The following CASS4 variants were observed in gnomAD, a reference collection of about 807,000 sequenced individuals.
CASS4 encodes the protein cas scaffolding protein family member 4.
A neutral mutation model predicts 54.2 loss-of-function variants in CASS4; 22 were observed. That is an observed-to-expected ratio of 0.41 (90% CI 0.29 to 0.58). The LOEUF (loss-of-function observed/expected upper bound fraction) is 0.58. Among genes scored for constraint, CASS4 ranks in the 20% least tolerant of loss-of-function variants. CASS4 has a pLI of 0.36. For missense variants in CASS4, 854 were observed against 986.7 expected, an observed-to-expected ratio of 0.87 and a Z score of 1.80; for synonymous variants, 409 against 391.5, an observed-to-expected ratio of 1.04 and a Z score of -0.53.
At chr20:56,453,479 A>G (rs181699365) in intron 5 of CASS4, 14 of 188,558 alleles carry the variant, frequency 7.4e-5, no homozygotes, top group Non-Finnish European at 1.5e-4. Context: ...TGCATTTTTG[A>G]AAGTTATAAA....
At chr20:56,416,210 C>T (rs552118272) in intron 1 of CASS4, among the ~76,000 whole-genome samples, 34 of 152,204 alleles carry the variant, frequency 2.2e-4, no homozygotes, top group Admixed American at 1.8e-3. Context: ...CCACCATGCT[C>T]AGCTAATTTC....
At chr20:56,458,014 C>CAA (rs11355939) in intron 5 of CASS4, among the ~76,000 whole-genome samples, 13 of 76,322 alleles carry the variant, frequency 1.7e-4, no homozygotes, top group East Asian at 3.1e-4. Context: ...AACTCTGTCT[C>CAA]AAAAAAAAAA....
chr20:56,417,853 C>T (rs1433740189), intron 1 of CASS4, among the ~76,000 whole-genome samples: 1 of 152,246 alleles, frequency 6.6e-6, no homozygotes, highest in Non-Finnish European at 1.5e-5. Context: ...AATTGTCCCC[C>T]TCCTTGTCCA....
At chr20:56,427,626 A>C (rs1011889125) in intron 1 of CASS4, among the ~76,000 whole-genome samples, 2 of 152,246 alleles carry the variant, frequency 1.3e-5, no homozygotes, top group African/African-American at 4.8e-5. Context: ...AATGTATAAC[A>C]GAATATGTCA....
chr20:56,435,438 G>A (rs1302100504), intron 1 of CASS4, among the ~76,000 whole-genome samples: 1 of 152,186 alleles, frequency 6.6e-6, no homozygotes, highest in Non-Finnish European at 1.5e-5. Context: ...GGGATTATGG[G>A]TAATTTTCAC....
At chr20:56,420,516 G>A (rs1391064541) in intron 1 of CASS4, among the ~76,000 whole-genome samples, 1 of 151,064 alleles carries the variant, frequency 6.6e-6, no homozygotes, top group Non-Finnish European at 1.5e-5. Context: ...AGCCTCCCAA[G>A]TAGCTGAGAC....
rs756927168 is a variant in CASS4 at position 56,414,472 on chromosome 20, T to C, written c.36+1978T>C. 1.6e-4 allele frequency among the ~76,000 whole-genome samples: 25 copies of C among 152,104 alleles called. No homozygotes were observed. Among genetic ancestry groups the C allele is most frequent in the Non-Finnish European group, 3.2e-4 (22 of 68,014 alleles). On this transcript the variant is annotated intron_variant, in intron 1 of 5. Transcript: ENST00000679887. This position sits in a 1 kb window ranked among gnomAD's most constrained non-coding sequence, Gnocchi z 4.1. ...AAAAAAATATTTTTAGCAATGGGGG[T>C]ATCACTCTGTTGTCCAAGCTGGACT...
chr20:56,457,423 T>A (rs1008079387), intron 5 of CASS4, among the ~76,000 whole-genome samples: 2 of 152,172 alleles, frequency 1.3e-5, no homozygotes, highest in African/African-American at 4.8e-5. Flanking sequence ...TGAAAATCTT[T>A]GAGAGTATGT....
chr20:56,442,002 C>T (rs1162515405), intron 2 of CASS4, among the ~76,000 whole-genome samples: 9 of 152,114 alleles, frequency 5.9e-5, no homozygotes, highest in East Asian at 5.8e-4. Context: ...AGGCTAAACC[C>T]GCCCAGAAAA....
chr20:56,426,005 T>G (rs1437830073), intron 1 of CASS4, among the ~76,000 whole-genome samples: 1 of 152,260 alleles, frequency 6.6e-6, no homozygotes, highest in East Asian at 1.9e-4. Flanking sequence ...ATTCTTGTAA[T>G]GGCTACATTG....
Position 56,458,609 on chromosome 20 carries a change from C to A in CASS4, c.2223C>A (p.Cys741Ter). ...TCCTCCGTGGCAGCAGTCACCTCTG[C>A]AGCCTGCTCAAGGACGTAGCGCTGG... ...NEILRGSSHL[C>*]SLLKDVALAT... is the part of the protein sequence containing the mutation. The change falls in exon 6 of 6, where the codon TGC becomes TGA. Residue 741 changes from cysteine (C) to a stop codon, truncating the protein, a stop_gained. Coordinates refer to ENST00000679887, the MANE Select transcript of CASS4 (RefSeq NM_020356.4). LOFTEE classifies it high-confidence loss of function. 1 of 1,614,056 alleles carries A rather than the reference C, an allele frequency of 6.2e-7. No homozygotes were observed. Among genetic ancestry groups the A allele is most frequent in the Non-Finnish European group, 8.5e-7 (1 of 1,179,990 alleles).
chr20:56,429,043 G>T (rs1569141427), intron 1 of CASS4, among the ~76,000 whole-genome samples: 2 of 152,218 alleles, frequency 1.3e-5, no homozygotes, highest in Admixed American at 6.5e-5. Context: ...GAGTGCACGT[G>T]GGTGCAGTCA....
chr20:56,454,242 C>T (rs576571949), intron 5 of CASS4, among the ~76,000 whole-genome samples: 12 of 152,142 alleles, frequency 7.9e-5, no homozygotes, highest in Non-Finnish European at 1.6e-4. Flanking sequence ...TGAGTTCAGA[C>T]ATTATAGAGC....
At chr20:56,448,733 T>A (rs1384172391) in intron 3 of CASS4, among the ~76,000 whole-genome samples, 4 of 152,226 alleles carry the variant, frequency 2.6e-5, no homozygotes, top group African/African-American at 4.8e-5. Flanking sequence ...AACCTGTTTT[T>A]TGTATCCTAA....
chr20:56,435,551 T>G (rs911644402), intron 1 of CASS4, among the ~76,000 whole-genome samples: 1 of 152,230 alleles, frequency 6.6e-6, no homozygotes, highest in African/African-American at 2.4e-5. Flanking sequence ...GTTGCCTTCA[T>G]GTAATTACAG....
chr20:56,457,708 T>C (rs1309365856), intron 5 of CASS4, among the ~76,000 whole-genome samples: 2 of 152,148 alleles, frequency 1.3e-5, no homozygotes, highest in African/African-American at 4.8e-5. Context: ...CAAGTTTTTG[T>C]GCATTTTTAA....
At chr20:56,438,788 G>A (rs922005671) in intron 2 of CASS4, among the ~76,000 whole-genome samples, 1 of 152,286 alleles carries the variant, frequency 6.6e-6, no homozygotes, top group African/African-American at 2.4e-5. Flanking sequence ...ACCTGGGAGG[G>A]GAAGGTTGCA....
At chr20:56,438,474 C>A (rs773788329) in intron 2 of CASS4, among the ~76,000 whole-genome samples, 4 of 152,128 alleles carry the variant, frequency 2.6e-5, no homozygotes, top group African/African-American at 7.2e-5. Context: ...CATATCACCA[C>A]AACAAGCTGC....
intron 1 of CASS4, among the ~76,000 whole-genome samples, chr20:56,427,173 TAAAAAA>T (rs78321980): frequency 7.8e-6 from 1 of 127,964 alleles, no homozygotes; most frequent in Non-Finnish European, 1.7e-5. Context: ...CCCTGTCTCT[TAAAAAA>T]AAAAAAAAAA....
Sources: gnomAD v4.1 joint callset for allele counts (sites outside exome capture counted in the v4.1 genomes callset) on GRCh38, gnomAD v4.1.1 for gene constraint, Gnocchi (gnomAD v3.1) non-coding constraint, MANE v1.5 for transcripts, NCBI Gene and HGNC (gene_info 2026-07-23, HGNC 2026-07-21) for gene names.